Variants in PSD3 observed in about 807,000 individuals in gnomAD.
PSD3 encodes the protein PH and SEC7 domain-containing protein 3.
PSD3 carries 49 observed loss-of-function variants against 105.5 expected under a neutral mutation model. That is an observed-to-expected ratio of 0.46 (90% CI 0.37 to 0.59). The LOEUF (loss-of-function observed/expected upper bound fraction) is 0.59. PSD3 is among the 20% of genes least tolerant of loss of function. The pLI is 0.00. For missense variants in PSD3, 1,561 were observed against 1,263.8 expected (o/e 1.24, Z -3.57); for synonymous variants, 557 against 457.8 (o/e 1.22, Z -2.77).
At chr8:18,957,712 T>C (rs944553433) in intron 1 of PSD3, among the ~76,000 whole-genome samples, 3 of 152,240 alleles carry the variant, frequency 2.0e-5, no homozygotes, top group Admixed American at 1.3e-4. Flanking sequence ...CCTGCTCATC[T>C]AGAACACAGC....
intron 11 of PSD3, among the ~76,000 whole-genome samples, chr8:18,613,293 T>G (rs1215629498): frequency 1.3e-5 from 2 of 152,072 alleles, no homozygotes; most frequent in Non-Finnish European, 2.9e-5. Context: ...AACGCCCATC[T>G]GCACATTGGG....
intron 10 of PSD3, among the ~76,000 whole-genome samples, chr8:18,644,765 A>C (rs1053450282): frequency 6.6e-6 from 1 of 152,138 alleles, no homozygotes; most frequent in Non-Finnish European, 1.5e-5. Context: ...GCTTATTGTT[A>C]TAGCAACAGC....
chr8:18,970,776 G>GA (rs953695271), intron 1 of PSD3, among the ~76,000 whole-genome samples: 1 of 152,044 alleles, frequency 6.6e-6, no homozygotes, highest in Non-Finnish European at 1.5e-5. Flanking sequence ...CCAACATGGT[G>GA]AAACCCTGTC....
intron 1 of PSD3, among the ~76,000 whole-genome samples, chr8:18,963,199 T>A (rs535256917): frequency 3.7e-4 from 56 of 152,300 alleles, no homozygotes; most frequent in African/African-American, 1.3e-3. Context: ...ACCGCCCCCA[T>A]GATTCAATGA....
chr8:19,004,141 G>A (rs765897156), intron 1 of PSD3, among the ~76,000 whole-genome samples: 3 of 152,026 alleles, frequency 2.0e-5, no homozygotes, highest in African/African-American at 7.2e-5. Flanking sequence ...TCTAGGTAGG[G>A]TGTCCTCCTT....
intron 4 of PSD3, among the ~76,000 whole-genome samples, chr8:18,840,855 G>A (rs1336855692): frequency 6.6e-6 from 1 of 152,140 alleles, no homozygotes; most frequent in African/African-American, 2.4e-5. Context: ...GGGAATTCTA[G>A]TTCCAATTTC....
chr8:18,847,928 G>A (rs1459015917), intron 4 of PSD3, among the ~76,000 whole-genome samples: 1 of 152,140 alleles, frequency 6.6e-6, no homozygotes, highest in South Asian at 2.1e-4. Context: ...CAATCGGGGA[G>A]ACATGAGCCT....
intron 10 of PSD3, among the ~76,000 whole-genome samples, chr8:18,651,140 T>C (rs1325095935): frequency 6.6e-6 from 1 of 152,188 alleles, no homozygotes; most frequent in Non-Finnish European, 1.5e-5. Flanking sequence ...TTTGATCAGC[T>C]GAACTAGGCA....
Position 18,872,062 on chromosome 8 carries a change from A to G in PSD3, c.802T>C (p.Phe268Leu). ...VTCHSAGSVG[F>L]LKEQRSALGR... ...AGAGCAGACCTCTGCTCTTTCAAGA[A>G]ACCAACACTGCCTGCAGAGTGGCAG... The change falls in exon 3 of 16, where the codon TTC becomes CTC. Residue 268 changes from phenylalanine (F) to leucine (L), a missense_variant. Transcript: ENST00000327040. 2.5e-6 allele frequency: 4 copies of G among 1,614,142 alleles called. No individual in the cohort carries two copies. The South Asian group carries it at 4.4e-5, about 18-fold the overall frequency.
chr8:18,861,847 T>G (rs1448487076), intron 4 of PSD3, among the ~76,000 whole-genome samples: 1 of 152,108 alleles, frequency 6.6e-6, no homozygotes, highest in Non-Finnish European at 1.5e-5. Context: ...ATCTTACCAA[T>G]AAGCAATCAG....
chr8:18,760,598 C>A (rs1443327782), intron 9 of PSD3, among the ~76,000 whole-genome samples: 1 of 152,226 alleles, frequency 6.6e-6, no homozygotes, highest in African/African-American at 2.4e-5. Context: ...AAATAATATT[C>A]CACTGTGCAT....
chr8:18,623,721 C>A (rs1258216962), intron 11 of PSD3, among the ~76,000 whole-genome samples: 1 of 151,468 alleles, frequency 6.6e-6, no homozygotes, highest in Admixed American at 6.6e-5. Context: ...TATACATGTA[C>A]TACCGCCAAA....
At chr8:18,678,509 A>G (rs1231907796) in intron 9 of PSD3, among the ~76,000 whole-genome samples, 1 of 152,204 alleles carries the variant, frequency 6.6e-6, no homozygotes. Flanking sequence ...GCTTCTGCAA[A>G]TACTACATAA....
At chr8:18,541,398 C>T (rs1266287577) in intron 15 of PSD3, among the ~76,000 whole-genome samples, 2 of 152,218 alleles carry the variant, frequency 1.3e-5, no homozygotes, top group South Asian at 2.1e-4. Flanking sequence ...AAAAATAACA[C>T]GGATACCCAC....
chr8:18,920,153 T>C (rs1820912889), intron 2 of PSD3, among the ~76,000 whole-genome samples: 1 of 152,132 alleles, frequency 6.6e-6, no homozygotes, highest in Admixed American at 6.5e-5. Flanking sequence ...CAATCTAATG[T>C]GCCCTGATGC....
chr8:18,651,987 T>C (rs559000191), intron 10 of PSD3, among the ~76,000 whole-genome samples: 1 of 152,266 alleles, frequency 6.6e-6, no homozygotes, highest in Non-Finnish European at 1.5e-5. Context: ...TATAAATGCC[T>C]GAAAAACAAA....
chr8:18,666,663 A>G (rs1799478430), intron 9 of PSD3, among the ~76,000 whole-genome samples: 1 of 150,588 alleles, frequency 6.6e-6, no homozygotes, highest in Non-Finnish European at 1.5e-5. Flanking sequence ...AAGGTAAGCT[A>G]GCACTCAGCT....
chr8:18,903,380 G>C (rs746509170), intron 2 of PSD3, among the ~76,000 whole-genome samples: 5 of 152,150 alleles, frequency 3.3e-5, no homozygotes, highest in African/African-American at 4.8e-5. Flanking sequence ...TGCAGTGGCA[G>C]CAAGTACCTG....
chr8:18,570,782 A>T (rs932274790), intron 14 of PSD3, among the ~76,000 whole-genome samples: 1 of 151,932 alleles, frequency 6.6e-6, no homozygotes, highest in Non-Finnish European at 1.5e-5. Context: ...ACAATTTCTC[A>T]TATTGTAATG....
Sources: gnomAD v4.1 joint callset for allele counts (sites outside exome capture counted in the v4.1 genomes callset) on GRCh38, gnomAD v4.1.1 for gene constraint, MANE v1.5 for transcripts, NCBI Gene and HGNC (gene_info 2026-07-23, HGNC 2026-07-21) for gene names.